Variants in SCAND3 observed in about 807,000 individuals in gnomAD.
SCAND3 encodes SCAN domain containing 3, also known as SCAN domain-containing protein 3.
At chr6:28,571,070 T>G in the SCAND3 span, 2 of 152,140 alleles carry the variant, frequency 1.3e-5, no homozygotes, top group African/African-American at 4.8e-5. Context: ...TCCCAGCACT[T>G]TGAGAGGCCG....
the SCAND3 span, among the ~76,000 whole-genome samples, chr6:28,579,641 C>T: frequency 1.3e-5 from 2 of 152,196 alleles, no homozygotes; most frequent in African/African-American, 2.4e-5. This position sits in a 1 kb window ranked among gnomAD's most constrained non-coding sequence, Gnocchi z 4.5. Flanking sequence ...AGTTAAAACG[C>T]ATCCCTTTGG....
the SCAND3 span, among the ~76,000 whole-genome samples, chr6:28,603,152 G>A: frequency 1.3e-5 from 2 of 151,818 alleles, no homozygotes; most frequent in African/African-American, 4.8e-5. Flanking sequence ...TTTTAGTAGA[G>A]ACGGGGTTTC....
At chr6:28,579,354 C>T in the SCAND3 span, 1 of 1,613,892 alleles carries the variant, frequency 6.2e-7, no homozygotes, top group African/African-American at 1.3e-5. The surrounding 1 kb of genome is among the most constrained non-coding windows in gnomAD (Gnocchi z 4.5). Context: ...CTAAAGACTC[C>T]TTTGCAGAAT....
chr6:28,604,541 G>A, the SCAND3 span, among the ~76,000 whole-genome samples: 1 of 151,446 alleles, frequency 6.6e-6, no homozygotes, highest in Non-Finnish European at 1.5e-5. Flanking sequence ...GCTTGAGCCC[G>A]GGACGCAGAG....
the SCAND3 span, among the ~76,000 whole-genome samples, chr6:28,609,043 C>T: frequency 6.6e-6 from 1 of 152,104 alleles, no homozygotes; most frequent in Non-Finnish European, 1.5e-5. Context: ...TATGTATTCC[C>T]ATTTAAGTCT....
chr6:28,612,180 C>T, the SCAND3 span, among the ~76,000 whole-genome samples: 1 of 151,968 alleles, frequency 6.6e-6, no homozygotes, highest in Non-Finnish European at 1.5e-5. Flanking sequence ...GGACTACAGG[C>T]GTGTGCCACC....
chr6:28,587,437 G>A, the SCAND3 span: 1 of 152,256 alleles, frequency 6.6e-6, no homozygotes, highest in Non-Finnish European at 1.5e-5. Flanking sequence ...CTCTGGAAAC[G>A]ACGGAGAATT....
the SCAND3 span, chr6:28,575,577 T>C: frequency 2.5e-6 from 4 of 1,613,932 alleles, no homozygotes; most frequent in African/African-American, 4.0e-5. This position sits in a 1 kb window ranked among gnomAD's most constrained non-coding sequence, Gnocchi z 4.2. Flanking sequence ...TAAGATCTAC[T>C]TGGCATCTTG....
At chr6:28,609,915 A>G in the SCAND3 span, among the ~76,000 whole-genome samples, 1 of 152,184 alleles carries the variant, frequency 6.6e-6, no homozygotes, top group South Asian at 2.1e-4. Context: ...TCCTGGACAA[A>G]CTGACCTTCA....
At chr6:28,576,008 A>G in the SCAND3 span, 1 of 1,613,726 alleles carries the variant, frequency 6.2e-7, no homozygotes, top group South Asian at 1.1e-5. Flanking sequence ...TTTTCCAGTA[A>G]CCTTGCTAAG....
chr6:28,581,363 A>G, the SCAND3 span, among the ~76,000 whole-genome samples: 1 of 152,292 alleles, frequency 6.6e-6, no homozygotes, highest in African/African-American at 2.4e-5. Context: ...AATGCTGGAA[A>G]GAAACTTTTG....
chr6:28,608,977 G>C, the SCAND3 span, among the ~76,000 whole-genome samples: 3 of 151,926 alleles, frequency 2.0e-5, no homozygotes, highest in African/African-American at 7.3e-5. Context: ...TCGGAAAACA[G>C]AGCGAAACAC....
At chr6:28,572,945 C>G in the SCAND3 span, 1 of 1,613,986 alleles carries the variant, frequency 6.2e-7, no homozygotes, top group East Asian at 2.2e-5. The surrounding 1 kb of genome is among the most constrained non-coding windows in gnomAD (Gnocchi z 4.1). Context: ...GTTACCACTT[C>G]AGAATGTTTT....
chr6:28,586,842 C>T, the SCAND3 span: 1 of 728,044 alleles, frequency 1.4e-6, no homozygotes, highest in South Asian at 1.9e-5. The surrounding 1 kb of genome is among the most constrained non-coding windows in gnomAD (Gnocchi z 4.4). Flanking sequence ...ACACTCAACA[C>T]AGGACAACTA....
chr6:28,614,469 T>G, the SCAND3 span, among the ~76,000 whole-genome samples: 1 of 151,974 alleles, frequency 6.6e-6, no homozygotes, highest in Middle Eastern at 3.2e-3. Context: ...TTCTTTTTTC[T>G]TTTCTTTTTT....
the SCAND3 span, chr6:28,589,852 G>GTTTTTTTTTTT: frequency 2.0e-4 from 24 of 117,656 alleles, no homozygotes; most frequent in Non-Finnish European, 3.0e-4. Context: ...TTGTTTTTTT[G>GTTTTTTTTTTT]TTTGTTTTTT....
At chr6:28,615,107 C>T in the SCAND3 span, among the ~76,000 whole-genome samples, 106 of 152,262 alleles carry the variant, frequency 7.0e-4, 2 homozygotes, top group Admixed American at 4.3e-3. Context: ...CTTGCCTCAC[C>T]GTAAGCACAC....
At chr6:28,602,153 C>A in the SCAND3 span, among the ~76,000 whole-genome samples, 1 of 152,022 alleles carries the variant, frequency 6.6e-6, no homozygotes, top group Non-Finnish European at 1.5e-5. Context: ...TTTATTTTTT[C>A]TGATGGGTTA....
the SCAND3 span, chr6:28,572,850 A>G: frequency 1.8e-5 from 29 of 1,613,792 alleles, no homozygotes; most frequent in East Asian, 6.5e-4. This position sits in a 1 kb window ranked among gnomAD's most constrained non-coding sequence, Gnocchi z 4.1. Context: ...TATTTAGTTC[A>G]GCTGATATTT....
Sources: allele counts gnomAD v4.1 joint callset (sites outside exome capture counted in the v4.1 genomes callset), GRCh38; gene constraint gnomAD v4.1.1; non-coding constraint Gnocchi (gnomAD v3.1); transcripts MANE v1.5; gene names NCBI Gene and HGNC (gene_info 2026-07-23, HGNC 2026-07-21).